Variants in ZNF385D observed in about 807,000 individuals in gnomAD.
The protein encoded by ZNF385D is zinc finger protein 385D, also known as zinc finger protein 659.
ZNF385D carries 15 observed loss-of-function variants against 35.8 expected under a neutral mutation model. The ratio of observed to expected loss-of-function variants is 0.42; its 90% confidence interval spans 0.28 to 0.64. The LOEUF (loss-of-function observed/expected upper bound fraction) is 0.64. Among genes scored for constraint, ZNF385D ranks in the 30% least tolerant of loss-of-function variants. ZNF385D has a pLI of 0.23. For missense variants in ZNF385D, 474 were observed against 494.6 expected, an observed-to-expected ratio of 0.96 and a Z score of 0.39; for synonymous variants, 212 against 186.8, an observed-to-expected ratio of 1.13 and a Z score of -1.10.
chr3:21,979,257 GA>G (rs946234633), intron 3 of ZNF385D, among the ~76,000 whole-genome samples: 24 of 151,732 alleles, frequency 1.6e-4, no homozygotes, highest in African/African-American at 4.1e-4. Flanking sequence ...ACAGAAGGGG[GA>G]AAAAAACCCA....
intron 3 of ZNF385D, among the ~76,000 whole-genome samples, chr3:21,887,311 T>G (rs2125874907): frequency 6.6e-6 from 1 of 152,298 alleles, no homozygotes; most frequent in South Asian, 2.1e-4. Context: ...TTCTGACATT[T>G]TAGAAATTAT....
At chr3:22,344,187 T>TGTGTGTGTGTGTGTGTGC in intron 2 of ZNF385D, among the ~76,000 whole-genome samples, 1 of 151,472 alleles carries the variant, frequency 6.6e-6, no homozygotes, top group South Asian at 2.1e-4. Context: ...GGTGTGTGTG[T>TGTGTGTGTGTGTGTGTGC]GTGTGTGTGT....
chr3:21,664,793 C>A, intron 2 of ZNF385D, 93 bp downstream of exon 2: 2 of 1,541,518 alleles, frequency 1.3e-6, no homozygotes, highest in Non-Finnish European at 1.8e-6. Context: ...AACAATATAG[C>A]AAAATGGAGG....
intron 2 of ZNF385D, among the ~76,000 whole-genome samples, chr3:22,194,666 C>A (rs1466990829): frequency 1.3e-5 from 2 of 151,864 alleles, no homozygotes; most frequent in African/African-American, 4.8e-5. Flanking sequence ...CATTTGTAGG[C>A]ATACCCTTTT....
At chr3:22,094,469 GC>G (rs1701510015) in intron 3 of ZNF385D, among the ~76,000 whole-genome samples, 1 of 115,804 alleles carries the variant, frequency 8.6e-6, no homozygotes, top group Admixed American at 8.9e-5. Context: ...ACTTAGAAAT[GC>G]CAGACATTGA....
Position 21,906,055 on chromosome 3 carries a change from TAGAA to T in ZNF385D, c.326-241031_326-241028del, listed in dbSNP as rs201742749. Among the ~76,000 whole-genome samples the T allele has an allele frequency of 3.3e-4, 51 of 152,280 alleles. No individual in the cohort carries two copies. In the East Asian group the frequency reaches 9.5e-3, roughly 28 times the overall value. On this transcript the variant is annotated intron_variant, in intron 3 of 5. Coordinates refer to the ZNF385D transcript ENST00000494108. ...TGCTGTATATTCAATTTCTTCTGCT[TAGAA>T]AGAATTAAACTTCCGCATATCCATC... is the stretch of plus-strand genomic sequence containing the variant.
rs556909243 is a variant in ZNF385D, at chr3:21,988,200, C to T, written c.325+180617G>A. On this transcript the variant is annotated intron_variant, in intron 3 of 5. Transcript: ENST00000494108. ...AATCATTCTCCATCCAGCTTTGTTC[C>T]GTTGCTGGTGAGGAACTGCGTTCCT... 1.9e-3 allele frequency among the ~76,000 whole-genome samples: 243 copies of T among 129,252 alleles called. 4 individuals are homozygous for T. Among genetic ancestry groups the T allele is most frequent in the African/African-American group, 4.5e-3 (159 of 35,400 alleles). The allele number at this position is 129,252 out of a possible 152,430, so 84.8% of individuals were successfully genotyped here.
chr3:22,094,191 A>C (rs810450), intron 3 of ZNF385D, among the ~76,000 whole-genome samples: 19,338 of 150,894 alleles, frequency 0.13, 1,561 homozygotes, highest in Middle Eastern at 0.23. Context: ...TATATTATTC[A>C]TCTTTTGGTT....
intron 3 of ZNF385D, among the ~76,000 whole-genome samples, chr3:21,838,621 A>G (rs1695473990): frequency 6.6e-6 from 1 of 152,216 alleles, no homozygotes; most frequent in South Asian, 2.1e-4. Flanking sequence ...CTGGAAGGTC[A>G]CGGTTTTTTA....
At chr3:22,082,769 C>T (rs763444447) in intron 3 of ZNF385D, among the ~76,000 whole-genome samples, 11 of 152,182 alleles carry the variant, frequency 7.2e-5, no homozygotes, top group Non-Finnish European at 1.5e-4. Flanking sequence ...CCCTAACCCC[C>T]GTGTAGCCTA....
At chr3:22,168,428 T>C (rs1251611787) in intron 3 of ZNF385D, 2 of 152,140 alleles carry the variant, frequency 1.3e-5, no homozygotes, top group East Asian at 1.9e-4. Context: ...TTCAAACCAA[T>C]TGCAGTGTTA....
chr3:21,714,284 C>T (rs927621427), intron 1 of ZNF385D, among the ~76,000 whole-genome samples: 2 of 152,160 alleles, frequency 1.3e-5, no homozygotes, highest in African/African-American at 2.4e-5. Flanking sequence ...CATTCACTTT[C>T]CTGCTTCCCT....
chr3:21,419,263 G>C lies in ZNF385D; in HGVS notation c.*1951C>G, dbSNP rs1426263155. 7.4e-6 allele frequency: 1 copy of C among 135,594 alleles called. No homozygotes were observed. The highest frequency in any genetic ancestry group is 1.6e-5 in the Non-Finnish European group (1 of 63,394). The allele number at this position is 135,594 out of a possible 1,614,324, so 8.4% of individuals were successfully genotyped here. A position where few individuals can be genotyped will look rare whatever the true frequency, so the allele number is the denominator to read the frequency against. ...CTTCTTTTTTTTTGTTTTTGTTTTG[G>C]TTGGTTAACAAAGGATATATAAAGC... On this transcript the variant is annotated 3_prime_UTR_variant, in exon 8 of 8. Transcript: ENST00000281523.
At chr3:22,101,450 A>T (rs1487733675) in intron 3 of ZNF385D, among the ~76,000 whole-genome samples, 1 of 152,102 alleles carries the variant, frequency 6.6e-6, no homozygotes, top group Non-Finnish European at 1.5e-5. Context: ...TCTCAGAGAG[A>T]TGAAATAACA....
chr3:22,253,310 C>T (rs890295592), intron 2 of ZNF385D, among the ~76,000 whole-genome samples: 1 of 151,786 alleles, frequency 6.6e-6, no homozygotes, highest in Non-Finnish European at 1.5e-5. Context: ...AAGAAATAGA[C>T]TGTAATTGAA....
chr3:21,690,858 G>A (rs1045524736), intron 1 of ZNF385D, among the ~76,000 whole-genome samples: 6 of 152,114 alleles, frequency 3.9e-5, no homozygotes, highest in African/African-American at 1.4e-4. Flanking sequence ...GGACCACGCT[G>A]CATGTCATCA....
chr3:22,350,908 A>G (rs1695885815), intron 2 of ZNF385D, among the ~76,000 whole-genome samples: 1 of 152,076 alleles, frequency 6.6e-6, no homozygotes, highest in Admixed American at 6.6e-5. Context: ...GGGGATATAC[A>G]TTATTTTTCA....
chr3:21,817,080 G>A (rs2073183217), intron 3 of ZNF385D, among the ~76,000 whole-genome samples: 7 of 152,110 alleles, frequency 4.6e-5, no homozygotes, highest in Admixed American at 4.6e-4. Flanking sequence ...ACAAGAAATG[G>A]GGAAAGGATT....
chr3:22,077,427 C>T (rs1700518790), intron 3 of ZNF385D, among the ~76,000 whole-genome samples: 1 of 151,910 alleles, frequency 6.6e-6, no homozygotes, highest in Non-Finnish European at 1.5e-5. Context: ...TGGTCATTAC[C>T]TAAATACATC....
Sources: gnomAD v4.1 joint callset for allele counts (sites outside exome capture counted in the v4.1 genomes callset) on GRCh38, gnomAD v4.1.1 for gene constraint, MANE v1.5 for transcripts, NCBI Gene and HGNC (gene_info 2026-07-23, HGNC 2026-07-21) for gene names.